Variants in FAM184A observed in about 807,000 individuals in gnomAD.
FAM184A encodes the protein family with sequence similarity 184 member A, also known as protein FAM184A.
In FAM184A, 99 loss-of-function variants were observed where a neutral mutation model predicts 143.8. The observed-to-expected ratio is 0.69, with a 90% CI of 0.58 to 0.81. The LOEUF is 0.81. Ranked by LOEUF, FAM184A falls within the 40% of genes least tolerant of loss-of-function variation. The probability of loss-of-function intolerance (pLI) is 0.00; values close to 1 mark genes in which losing one functional copy is unlikely to be tolerated. For synonymous variants in FAM184A, 427 were observed against 446.4 expected (o/e 0.96, Z 0.55); for missense variants, 1,217 against 1,310.5 (o/e 0.93, Z 1.10).
chr6:118,997,710 A>C (rs1266394579), intron 9 of FAM184A, among the ~76,000 whole-genome samples: 1 of 152,066 alleles, frequency 6.6e-6, no homozygotes, highest in African/African-American at 2.4e-5. Flanking sequence ...GAAAAAAAAA[A>C]CAAAAACAAC....
intron 1 of FAM184A, among the ~76,000 whole-genome samples, chr6:119,084,839 C>T (rs1788172844): frequency 6.6e-6 from 1 of 152,246 alleles, no homozygotes; most frequent in Non-Finnish European, 1.5e-5. Context: ...CCGCAGGCTT[C>T]ATACCACCAA....
In FAM184A at chr6:119,020,169, A is replaced by C. The variant is rs115412270; in HGVS notation, c.1151-10T>G. 2.5e-3 allele frequency: 3,732 copies of C among 1,510,462 alleles called. 85 individuals carry two copies. In the African/African-American group the frequency reaches 0.048, roughly 19 times the overall value. 93.6% of individuals were successfully genotyped at this position (1,510,462 alleles called of 1,614,324 possible). ...AGCATTCCAATATGACCTATCCCCC[A>C]AAAAGAAAATCCCTTCAATTTAAAA... is the stretch of plus-strand genomic sequence containing the variant. On this transcript the variant is annotated splice_polypyrimidine_tract_variant and intron_variant, in intron 3 of 17. Transcript: ENST00000338891.
At chr6:119,146,277 G>A (rs1218319139) in intron 1 of FAM184A, among the ~76,000 whole-genome samples, 2 of 152,072 alleles carry the variant, frequency 1.3e-5, no homozygotes, top group Non-Finnish European at 2.9e-5. Flanking sequence ...GAAATTTGGG[G>A]AACTCTGTAC....
intron 5 of FAM184A, among the ~76,000 whole-genome samples, chr6:119,012,763 T>TG (rs1368621057): frequency 6.6e-6 from 1 of 152,138 alleles, no homozygotes; most frequent in Non-Finnish European, 1.5e-5. Context: ...TATTAGGGAA[T>TG]GGGGGGATCT....
intron 1 of FAM184A, among the ~76,000 whole-genome samples, chr6:119,140,653 G>A (rs1366898263): frequency 6.6e-6 from 1 of 152,144 alleles, no homozygotes; most frequent in African/African-American, 2.4e-5. Flanking sequence ...CTTCTCTGCT[G>A]TTGCAGTTTG....
intron 1 of FAM184A, among the ~76,000 whole-genome samples, chr6:119,139,007 C>T (rs1772118755): frequency 1.3e-5 from 2 of 152,176 alleles, no homozygotes; most frequent in Admixed American, 6.5e-5. Context: ...AGATCCTTCA[C>T]TGAATCTCAT....
At chr6:119,037,429 T>C (rs1786155133) in intron 1 of FAM184A, among the ~76,000 whole-genome samples, 1 of 152,126 alleles carries the variant, frequency 6.6e-6, no homozygotes, top group South Asian at 2.1e-4. Flanking sequence ...GCCTCCTGAG[T>C]AGCTGGGACT....
intron 9 of FAM184A, among the ~76,000 whole-genome samples, chr6:118,995,514 C>G (rs1419156979): frequency 6.6e-6 from 1 of 152,156 alleles, no homozygotes; most frequent in Non-Finnish European, 1.5e-5. Context: ...ATGTTAATTT[C>G]AAGTATACTA....
At position 118,960,090 on chromosome 6, in the gene FAM184A, CA is replaced by C. The variant is rs772530891; in HGVS notation, c.*12del. 6.2e-7 allele frequency: 1 copy of C among 1,609,712 alleles called. No homozygotes were observed. The highest frequency in any genetic ancestry group is 8.5e-7 in the Non-Finnish European group (1 of 1,176,552). ...AGTAACAGTCTATACAGAGCTGTGC[CA>C]ACACAATTCTTTCAGAATGTGAAGT... On this transcript the variant is annotated 3_prime_UTR_variant, in exon 18 of 18. Coordinates refer to ENST00000338891, the MANE Select transcript of FAM184A (RefSeq NM_024581.6).
At chr6:119,106,241 AAT>A (rs1304555093) in intron 1 of FAM184A, among the ~76,000 whole-genome samples, 1 of 87,284 alleles carries the variant, frequency 1.1e-5, no homozygotes, top group African/African-American at 4.4e-5. Flanking sequence ...AAATACAAAA[AAT>A]TAGCCGGGCG....
chr6:119,096,818 C>A (rs894238013), intron 1 of FAM184A, among the ~76,000 whole-genome samples: 6 of 152,114 alleles, frequency 3.9e-5, no homozygotes, highest in Non-Finnish European at 8.8e-5. Context: ...TCCCCACCCC[C>A]ACTCCTCCCG....
intron 1 of FAM184A, among the ~76,000 whole-genome samples, chr6:119,142,206 C>T (rs1317720917): frequency 2.0e-5 from 3 of 152,154 alleles, no homozygotes; most frequent in Non-Finnish European, 4.4e-5. Flanking sequence ...ATCAGCTAGG[C>T]AGCCCAAGCC....
intron 1 of FAM184A, among the ~76,000 whole-genome samples, chr6:119,042,653 G>A (rs1374299705): frequency 1.3e-5 from 2 of 152,158 alleles, no homozygotes; most frequent in African/African-American, 2.4e-5. Context: ...CCACAATGGT[G>A]AACACATGTC....
At chr6:119,032,148 T>C (rs528588598) in intron 1 of FAM184A, among the ~76,000 whole-genome samples, 1 of 152,070 alleles carries the variant, frequency 6.6e-6, no homozygotes, top group East Asian at 1.9e-4. Flanking sequence ...GGTACGTGCC[T>C]ATAATCCCAG....
At chr6:119,113,711 T>C (rs1788991643) in intron 1 of FAM184A, among the ~76,000 whole-genome samples, 1 of 151,932 alleles carries the variant, frequency 6.6e-6, no homozygotes, top group Non-Finnish European at 1.5e-5. Context: ...GAGGCCGAGG[T>C]GAGTGGATCA....
chr6:119,117,391 G>A (rs1789087983), intron 1 of FAM184A, among the ~76,000 whole-genome samples: 1 of 152,238 alleles, frequency 6.6e-6, no homozygotes, highest in South Asian at 2.1e-4. Flanking sequence ...GCAATGCCCT[G>A]GCAGGGCTTC....
At chr6:119,037,669 G>A (rs779025752) in intron 1 of FAM184A, among the ~76,000 whole-genome samples, 1 of 152,216 alleles carries the variant, frequency 6.6e-6, no homozygotes, top group African/African-American at 2.4e-5. Flanking sequence ...AATTGTGGTA[G>A]TATAACTTAA....
At chr6:119,124,152 A>G (rs1158301664) in intron 1 of FAM184A, among the ~76,000 whole-genome samples, 3 of 152,238 alleles carry the variant, frequency 2.0e-5, no homozygotes, top group Non-Finnish European at 4.4e-5. Flanking sequence ...GTTAAAGATG[A>G]CAGCTAAAGA....
intron 1 of FAM184A, among the ~76,000 whole-genome samples, chr6:119,044,465 C>CCTA (rs1786455187): frequency 6.6e-6 from 1 of 151,982 alleles, no homozygotes. Flanking sequence ...CACTTAGAGT[C>CCTA]CTAGTTACTC....
Sources: gnomAD v4.1 joint callset for allele counts (sites outside exome capture counted in the v4.1 genomes callset) on GRCh38, gnomAD v4.1.1 for gene constraint, MANE v1.5 for transcripts, NCBI Gene and HGNC (gene_info 2026-07-23, HGNC 2026-07-21) for gene names.